Variants in CDC42BPG observed in about 807,000 individuals in gnomAD.
CDC42BPG encodes the protein CDC42 binding protein kinase gamma, also known as serine/threonine-protein kinase MRCK gamma.
CDC42BPG carries 157 observed loss-of-function variants against 192.2 expected under a neutral mutation model. The observed-to-expected ratio is 0.82, with a 90% CI of 0.72 to 0.93. The LOEUF is 0.93. Among genes scored for constraint, CDC42BPG ranks in the 40% least tolerant of loss-of-function variants. CDC42BPG has a pLI of 0.00. For missense variants in CDC42BPG, 1,992 were observed against 2,122.1 expected, an observed-to-expected ratio of 0.94 and a Z score of 1.20; for synonymous variants, 981 against 918.5, an observed-to-expected ratio of 1.07 and a Z score of -1.23.
Position 64,839,177 on chromosome 11 carries a change from C to G in CDC42BPG, c.732G>C (p.Gln244His). 6.2e-7 allele frequency: 1 copy of G among 1,613,430 alleles called. No homozygotes were observed. Among genetic ancestry groups the G allele is most frequent in the Non-Finnish European group, 8.5e-7 (1 of 1,180,048 alleles). The change falls in exon 7 of 37, where the codon CAG becomes CAC. Residue 244 changes from glutamine to histidine, a missense_variant. By Grantham distance (24) the Gln-to-His change is conservative. Coordinates refer to ENST00000342711, the MANE Select transcript of CDC42BPG (RefSeq NM_017525.3). ...AGTGGCCCTTGCCCTCCTCCATGGC[C>G]TGCAGGATCTCAGGGGAGATATAGT... ...TPDYISPEIL[Q>H]AMEEGKGHYG...
chr11:64,838,194 C>T (rs369735383), intron 8 of CDC42BPG, 32 bp from the exon 9 acceptor site: 113 of 1,533,144 alleles, frequency 7.4e-5, no homozygotes, highest in Non-Finnish European at 9.5e-5. Context: ...GAGTCAGAGT[C>T]CACAGGCCAA....
In CDC42BPG at chr11:64,840,247, C is replaced by T; in HGVS notation, c.454G>A (p.Ala152Thr). 1.2e-6 allele frequency: 2 copies of T among 1,612,320 alleles called. No individual in the cohort carries two copies. Among genetic ancestry groups the T allele is most frequent in the Non-Finnish European group, 1.7e-6 (2 of 1,179,978 alleles). ...AGCAGCGTCAGGAGGTCCCCACCAG[C>T]ATAGTAGTCCATCACAAGGTACTGG... ...EYLYLVMDYY[A>T]GGDLLTLLSR... Residue 152 changes from alanine to threonine, a missense_variant, in exon 5 of 37, where the codon GCT becomes ACT. Ala to Thr is a moderately conservative substitution (Grantham distance 58). Around this residue, in one of 2 missense-constraint regions of CDC42BPG, gnomAD observed 1,656 missense variants for 1,844.3 expected, o/e 0.90. Coordinates refer to ENST00000342711, the MANE Select transcript of CDC42BPG (RefSeq NM_017525.3).
chr11:64,830,159 G>C (rs1268077345), intron 29 of CDC42BPG, 35 bp downstream of exon 29: 1 of 1,613,184 alleles, frequency 6.2e-7, no homozygotes, highest in African/African-American at 1.3e-5. Context: ...GGCTGCCCCT[G>C]CCCACGCCCA....
chr11:64,844,195 G>A (rs1224380137), intron 1 of CDC42BPG, among the ~76,000 whole-genome samples: 3 of 152,076 alleles, frequency 2.0e-5, no homozygotes, highest in Non-Finnish European at 4.4e-5. Flanking sequence ...GGGTCTGTGA[G>A]AGGGAGAGAG....
In CDC42BPG at chr11:64,824,318, GGAACC is replaced by G; in HGVS notation, c.*150_*154del. On this transcript the variant is annotated 3_prime_UTR_variant, in exon 37 of 37. Coordinates refer to ENST00000342711, the MANE Select transcript of CDC42BPG (RefSeq NM_017525.3). ...TGGGAGTCAGGACCCCCAAGTCCTGGGAACCCAGGCAAGTCTCCCAGTCATTGCCC... is the reference window on the plus strand; with the variant it reads ...TGGGAGTCAGGACCCCCAAGTCCTGGCAGGCAAGTCTCCCAGTCATTGCCC... The G allele has an allele frequency of 1.4e-6, 1 of 723,624 alleles. No homozygotes were observed. The highest frequency in any genetic ancestry group is 1.5e-5 in the South Asian group (1 of 66,874). The allele number at this position is 723,624 out of a possible 1,614,324, so 44.8% of individuals were successfully genotyped here. A position where few individuals can be genotyped will look rare whatever the true frequency, so the allele number is the denominator to read the frequency against.
intron 11 of CDC42BPG, 84 bp downstream of exon 11, chr11:64,836,655 T>C: frequency 3.9e-6 from 4 of 1,018,174 alleles, no homozygotes; most frequent in African/African-American, 3.7e-5. Context: ...CCCAGGATCA[T>C]ACAGCTTGTC....
intron 30 of CDC42BPG, among the ~76,000 whole-genome samples, chr11:64,828,642 C>T (rs1201095360): frequency 1.3e-5 from 2 of 152,202 alleles, no homozygotes; most frequent in African/African-American, 2.4e-5. Context: ...AGGCCGGGGC[C>T]GGTGGCTCAC....
intron 36 of CDC42BPG, among the ~76,000 whole-genome samples, chr11:64,825,472 T>A (rs1565665978): frequency 6.6e-6 from 1 of 152,064 alleles, no homozygotes; most frequent in Non-Finnish European, 1.5e-5. Flanking sequence ...TTGAAGATGA[T>A]CCTGGTGGGT....
intron 24 of CDC42BPG, 49 bp downstream of exon 24, chr11:64,833,182 G>T: frequency 7.1e-7 from 1 of 1,416,732 alleles, no homozygotes. Context: ...GTATGCCAGG[G>T]CCACACACCT....
intron 9 of CDC42BPG, among the ~76,000 whole-genome samples, chr11:64,837,435 G>T (rs1943070544): frequency 6.6e-6 from 1 of 152,136 alleles, no homozygotes; most frequent in African/African-American, 2.4e-5. Flanking sequence ...GCGGTCTCAG[G>T]CCAGCCCCTC....
intron 3 of CDC42BPG, 146 bp from the exon 4 acceptor site, chr11:64,840,794 C>A (rs1943246941): frequency 1.4e-6 from 1 of 695,468 alleles, no homozygotes. Context: ...CTGGCTGCGA[C>A]TGAGCCCAAG....
chr11:64,834,305 C>A lies in CDC42BPG; in HGVS notation c.2374G>T (p.Ala792Ser). The change falls in exon 20 of 37, where the codon GCC becomes TCC. Residue 792 changes from alanine (A) to serine (S), a missense_variant. By Grantham distance (99) the Ala-to-Ser change is moderately conservative. Around this residue, in one of 2 missense-constraint regions of CDC42BPG, gnomAD observed 1,656 missense variants for 1,844.3 expected, o/e 0.90. Coordinates refer to ENST00000342711, the MANE Select transcript of CDC42BPG (RefSeq NM_017525.3). ...KQSQALQQEL[A>S]MLREELRARG... is the part of the protein sequence containing the mutation. ...GCCCGCAGCTCCTCCCGCAGCATGG[C>A]GAGCTCCTGTTGCAGGGCCTGGCTC... 1 of 1,580,780 alleles carries A rather than the reference C, an allele frequency of 6.3e-7. No homozygotes were observed. Among genetic ancestry groups the A allele is most frequent in the South Asian group, 1.1e-5 (1 of 87,416 alleles).
intron 8 of CDC42BPG, among the ~76,000 whole-genome samples, 197 bp from the exon 9 acceptor site, chr11:64,838,359 A>T (rs1301309958): frequency 2.0e-5 from 3 of 152,158 alleles, no homozygotes; most frequent in African/African-American, 7.2e-5. Context: ...CCTTATACGG[A>T]TTCTAGTTAA....
Position 64,838,143 on chromosome 11 carries a change from G to A in CDC42BPG, c.1145C>T (p.Ser382Phe). ...GTGATGGCCGGAGAAGGCCCCGTGG[G>A]AGGGCGGTGGCAGGGTCCCCTGCAG... Reference protein sequence around the residue: ...LNHPGTLPPPSHGAFSGHHLP... With the variant: ...LNHPGTLPPPFHGAFSGHHLP... The change falls in exon 9 of 37, where the codon TCC becomes TTC. Residue 382 changes from serine (S) to phenylalanine (F), a missense_variant. Ser to Phe is a radical substitution (Grantham distance 155). Coordinates refer to ENST00000342711, the MANE Select transcript of CDC42BPG (RefSeq NM_017525.3). 1 of 1,553,728 alleles carries A rather than the reference G, an allele frequency of 6.4e-7. No individual in the cohort carries two copies. Among genetic ancestry groups the A allele is most frequent in the South Asian group, 1.2e-5 (1 of 84,240 alleles).
intron 5 of CDC42BPG, 46 bp from the exon 6 acceptor site, chr11:64,839,617 A>G: frequency 6.5e-7 from 1 of 1,538,716 alleles, no homozygotes; most frequent in Non-Finnish European, 8.9e-7. Flanking sequence ...ACCTGTGTGT[A>G]AGTGGCCATT....
In CDC42BPG at chr11:64,834,915, G is replaced by C; in HGVS notation, c.2109C>G (p.Thr703=). The C allele has an allele frequency of 6.2e-7, 1 of 1,614,138 alleles. No homozygotes were observed. The highest frequency in any genetic ancestry group is 1.3e-5 in the African/African-American group (1 of 75,066). ...VSRGYLQALA[T]KMAEELESLR... is the part of the protein sequence containing the mutation. ...AGGACTCCAGCTCCTCTGCCATCTT[G>C]GTGGCCAGGGCCTGCAGGTAGCCTC... is the stretch of plus-strand genomic sequence containing the variant. The change falls in exon 18 of 37, where the codon ACC becomes ACG. Residue 703 remains threonine (T), a synonymous_variant. Coordinates refer to ENST00000342711, the MANE Select transcript of CDC42BPG (RefSeq NM_017525.3).
chr11:64,832,549 C>G (rs1212259419), intron 26 of CDC42BPG, 40 bp from the exon 27 acceptor site: 5 of 1,613,926 alleles, frequency 3.1e-6, no homozygotes, highest in Non-Finnish European at 3.4e-6. Flanking sequence ...CTCCCTGTCC[C>G]TGACTGCCCC....
rs527870287 is a variant in CDC42BPG, at chr11:64,826,772, A to G, written c.4412T>C (p.Val1471Ala). 6.6e-6 allele frequency: 10 copies of G among 1,516,886 alleles called. No individual in the cohort carries two copies. The African/African-American group carries it at 1.2e-4, about 19-fold the overall frequency. 94.0% of individuals were successfully genotyped at this position (1,516,886 alleles called of 1,614,324 possible). ...CCGCTGTGGGCCGGAGCCGCGGGCAACTCGGCCCTTCTCTTCGGGAGCCTG... is the reference window on the plus strand; with the variant it reads ...CCGCTGTGGGCCGGAGCCGCGGGCAGCTCGGCCCTTCTCTTCGGGAGCCTG... ...KSPAPEEKGR[V>A]ARGSGPQRPH... Residue 1471 changes from valine (V) to alanine (A), a missense_variant, in exon 35 of 37, where the codon GTT becomes GCT. Coordinates refer to ENST00000342711, the MANE Select transcript of CDC42BPG (RefSeq NM_017525.3).
intron 14 of CDC42BPG, 63 bp downstream of exon 14, chr11:64,835,699 A>C: frequency 6.2e-7 from 1 of 1,605,398 alleles, no homozygotes; most frequent in Non-Finnish European, 8.5e-7. Context: ...CCTGGCCCTG[A>C]GGCTCTGAGT....
Sources: gnomAD v4.1 joint callset for allele counts (sites outside exome capture counted in the v4.1 genomes callset) on GRCh38, gnomAD v4.1.1 for gene constraint, gnomAD v4.1.1 regional missense constraint, MANE v1.5 for transcripts, NCBI Gene and HGNC (gene_info 2026-07-23, HGNC 2026-07-21) for gene names.